The following METTL22 variants were observed in gnomAD, a reference collection of about 807,000 sequenced individuals.
The protein encoded by METTL22 is methyltransferase-like protein 22.
In METTL22, 51 loss-of-function variants were observed where a neutral mutation model predicts 48.4. That is an observed-to-expected ratio of 1.05 (90% CI 0.84 to 1.33). The LOEUF (loss-of-function observed/expected upper bound fraction) is 1.33. Ranked by LOEUF, METTL22 falls within the 40% of genes most tolerant of loss-of-function variation. The probability of loss-of-function intolerance (pLI) is 0.00; values close to 1 mark genes in which losing one functional copy is unlikely to be tolerated. For missense variants in METTL22, 678 were observed against 526.9 expected, an observed-to-expected ratio of 1.29 and a Z score of -2.81; for synonymous variants, 255 against 214.1, an observed-to-expected ratio of 1.19 and a Z score of -1.67.
chr16:8,654,116 C>G (rs1357869920), downstream of METTL22, among the ~76,000 whole-genome samples: 1 of 152,192 alleles, frequency 6.6e-6, no homozygotes, highest in African/African-American at 2.4e-5. Context: ...GATACATTAG[C>G]TCAGTAAATA....
the METTL22 span, among the ~76,000 whole-genome samples, chr16:8,660,897 A>G: frequency 7.5e-6 from 1 of 133,132 alleles, no homozygotes; most frequent in Non-Finnish European, 1.6e-5. Context: ...GAGGAGGAGG[A>G]GGAGGAGGAG....
chr16:8,636,721 A>G (rs1596351072), intron 5 of METTL22, among the ~76,000 whole-genome samples: 2 of 151,590 alleles, frequency 1.3e-5, no homozygotes, highest in East Asian at 3.9e-4. Flanking sequence ...TCTGTCACCT[A>G]GGTTCCTAGG....
chr16:8,639,422 G>A lies in METTL22; in HGVS notation c.772+260G>A, dbSNP rs573764430. On this transcript the variant is annotated intron_variant, in intron 6 of 10. Coordinates refer to ENST00000381920, the MANE Select transcript of METTL22 (RefSeq NM_024109.4). The stretch of plus-strand genomic sequence containing the variant: ...CCCGGACACTGGCGGCGGCCCCTGA[G>A]CTGGTCTCCCCAGCTCCTTAGTTGA... 6.4e-5 allele frequency: 35 copies of A among 544,608 alleles called. No individual in the cohort carries two copies. In the East Asian group the frequency reaches 1.1e-3, roughly 17 times the overall value. The allele number at this position is 544,608 out of a possible 1,614,324, so 33.7% of individuals were successfully genotyped here.
intron 7 of METTL22, 33 bp from the exon 8 acceptor site, chr16:8,642,094 A>C (rs370142820): frequency 6.4e-7 from 1 of 1,552,198 alleles, no homozygotes; most frequent in African/African-American, 1.4e-5. Context: ...AGAGAAGGCA[A>C]TGGGCACAAA....
chr16:8,650,854 G>A (rs1012547767), downstream of METTL22, among the ~76,000 whole-genome samples: 31 of 152,014 alleles, frequency 2.0e-4, no homozygotes, highest in African/African-American at 6.8e-4. Context: ...ACAAAACCCC[G>A]TATCTACTAA....
chr16:8,629,793 G>C (rs1334018579), intron 3 of METTL22, among the ~76,000 whole-genome samples: 3 of 152,132 alleles, frequency 2.0e-5, no homozygotes, highest in African/African-American at 7.2e-5. Flanking sequence ...TGGCACTCTA[G>C]AAACACCGGG....
intron 6 of METTL22, among the ~76,000 whole-genome samples, chr16:8,640,268 A>T (rs2056555749): frequency 6.6e-6 from 1 of 151,820 alleles, no homozygotes. Context: ...GCCTTCCCTG[A>T]CATCCGCTGT....
chr16:8,640,973 G>GCTGTCTGTCTGGCTGT (rs562521267), intron 6 of METTL22, among the ~76,000 whole-genome samples, 158 bp from the exon 7 acceptor site: 1 of 40,238 alleles, frequency 2.5e-5, no homozygotes, highest in Non-Finnish European at 5.2e-5. Context: ...TGGCTGGCTG[G>GCTGTCTGTCTGGCTGT]CTGGCTGGCT....
At chr16:8,622,703 A>G (rs897619879) in intron 1 of METTL22, among the ~76,000 whole-genome samples, 2 of 152,186 alleles carry the variant, frequency 1.3e-5, no homozygotes, top group African/African-American at 4.8e-5. Flanking sequence ...GTAAGCCCGA[A>G]AAGTGGTAAT....
the METTL22 span, among the ~76,000 whole-genome samples, chr16:8,655,435 C>A: frequency 1.3e-5 from 2 of 152,208 alleles, no homozygotes; most frequent in Non-Finnish European, 2.9e-5. Context: ...TCTGATAAAG[C>A]CAGGACATGA....
At chr16:8,665,746 G>A in the METTL22 span, among the ~76,000 whole-genome samples, 1 of 152,150 alleles carries the variant, frequency 6.6e-6, no homozygotes. Context: ...AGACCAATCG[G>A]GCCCAGGGCT....
At chr16:8,661,179 A>T in the METTL22 span, among the ~76,000 whole-genome samples, 5 of 151,886 alleles carry the variant, frequency 3.3e-5, no homozygotes, top group African/African-American at 1.2e-4. Context: ...CGTGCCAGAA[A>T]GGAATCCAAG....
intron 6 of METTL22, 45 bp from the exon 7 acceptor site, chr16:8,641,086 T>C: frequency 6.4e-7 from 1 of 1,566,192 alleles, no homozygotes; most frequent in Non-Finnish European, 8.8e-7. Context: ...TTTTTCCTGA[T>C]GATGTTTAGA....
chr16:8,631,043 T>C (rs2056243024), intron 3 of METTL22, among the ~76,000 whole-genome samples: 1 of 152,006 alleles, frequency 6.6e-6, no homozygotes, highest in South Asian at 2.1e-4. Flanking sequence ...TGTCCCTGGG[T>C]TTTAGTGATA....
intron 2 of METTL22, among the ~76,000 whole-genome samples, chr16:8,628,395 G>C (rs879033334): frequency 1.3e-5 from 2 of 152,150 alleles, no homozygotes; most frequent in Admixed American, 1.3e-4. Flanking sequence ...GTGTGGCCTT[G>C]GTCAGCTTAG....
At position 8,646,601 on chromosome 16, in the gene METTL22, G is replaced by C. The variant is rs1274985656; in HGVS notation, c.*458G>C. ...AAGCCTCATTTCCTCCCAGGGTTGG[G>C]TATGCTCCACCCCATCACTCTGGTG... is the stretch of plus-strand genomic sequence containing the variant. On this transcript the variant is annotated 3_prime_UTR_variant, in exon 11 of 11. Coordinates refer to ENST00000381920, the MANE Select transcript of METTL22 (RefSeq NM_024109.4). The C allele has an allele frequency of 4.3e-6, 2 of 461,056 alleles. No homozygotes were observed. Among genetic ancestry groups the C allele is most frequent in the African/African-American group, 4.0e-5 (2 of 50,290 alleles). The allele number at this position is 461,056 out of a possible 1,614,324, so 28.6% of individuals were successfully genotyped here.
the METTL22 span, among the ~76,000 whole-genome samples, chr16:8,658,619 A>C: frequency 1.3e-5 from 2 of 152,174 alleles, no homozygotes; most frequent in African/African-American, 4.8e-5. Context: ...GGATATCCTG[A>C]GATGCTGTGA....
chr16:8,639,160 G>A lies in METTL22; in HGVS notation c.770G>A (p.Gly257Glu), dbSNP rs1458644322. Reference sequence around the variant, plus strand: ...CTCAACAGCCACCTGGCTGCCACTGGAGGTGAGGCCCAGGGGGTCTTCTGC... The same window carrying A: ...CTCAACAGCCACCTGGCTGCCACTGAAGGTGAGGCCCAGGGGGTCTTCTGC... ...IALNSHLAAT[G>E]GGIVRVKELD... The change falls in exon 6 of 11, where the codon GGA (glycine) becomes GAA (glutamate). Residue 257 changes from glycine to glutamate, a missense_variant and splice_region_variant. Coordinates refer to ENST00000381920, the MANE Select transcript of METTL22 (RefSeq NM_024109.4). 2 of 1,614,002 alleles carry A rather than the reference G, an allele frequency of 1.2e-6. No homozygotes were observed. Among genetic ancestry groups the A allele is most frequent in the Admixed American group, 3.3e-5 (2 of 60,024 alleles).
intron 3 of METTL22, chr16:8,631,648 G>A (rs140975398): frequency 1.3e-5 from 2 of 152,252 alleles, no homozygotes; most frequent in Admixed American, 6.5e-5. Context: ...CTAGGTTCCT[G>A]CAGGTCTAGA....
Sources: gnomAD v4.1 joint callset for allele counts (sites outside exome capture counted in the v4.1 genomes callset) on GRCh38, gnomAD v4.1.1 for gene constraint, MANE v1.5 for transcripts, NCBI Gene and HGNC (gene_info 2026-07-23, HGNC 2026-07-21) for gene names.